ADAM32: variants seen among roughly 807,000 people sequenced by gnomAD.
ADAM32 encodes the protein ADAM metallopeptidase domain 32, also known as disintegrin and metalloproteinase domain-containing protein 32.
In ADAM32, 89 loss-of-function variants were observed where a neutral mutation model predicts 114.9. That is an observed-to-expected ratio of 0.77 (90% confidence interval 0.65 to 0.92). The LOEUF (loss-of-function observed/expected upper bound fraction) is 0.92, where lower values mean the gene tolerates loss of function less well. ADAM32 is among the 40% of genes least tolerant of loss of function. ADAM32 has a pLI of 0.00. For synonymous variants in ADAM32, 285 were observed against 307.5 expected (o/e 0.93, Z 0.77); for missense variants, 870 against 932.8 (o/e 0.93, Z 0.88).
At chr8:39,107,897 A>G in intron 1 of ADAM32, 64 bp downstream of exon 1, 2 of 1,465,878 alleles carry the variant, frequency 1.4e-6, no homozygotes, top group South Asian at 2.8e-5. Flanking sequence ...GACTCCCTGC[A>G]AAGCCCGGGG....
At chr8:39,227,349 G>A (rs1809449468) in intron 14 of ADAM32, among the ~76,000 whole-genome samples, 1 of 152,176 alleles carries the variant, frequency 6.6e-6, no homozygotes, top group African/African-American at 2.4e-5. Flanking sequence ...GATGAAGCAG[G>A]AGAAAGACCG....
chr8:39,191,167 G>C (rs1337375715), intron 11 of ADAM32, among the ~76,000 whole-genome samples: 1 of 152,150 alleles, frequency 6.6e-6, no homozygotes. Context: ...TGAGCATTTA[G>C]GTTAACTTCA....
At chr8:39,275,804 C>G in intron 21 of ADAM32, 24 bp from the exon 22 acceptor site, 3 of 1,544,728 alleles carry the variant, frequency 1.9e-6, no homozygotes, top group Non-Finnish European at 2.6e-6. Flanking sequence ...AACGTGGAAG[C>G]ATTACTTTTT....
intron 10 of ADAM32, among the ~76,000 whole-genome samples, chr8:39,182,228 A>G (rs1014407927): frequency 1.3e-5 from 2 of 152,276 alleles, no homozygotes; most frequent in East Asian, 1.9e-4. Context: ...GATAAAAGAA[A>G]CTCTACTTTG....
chr8:39,108,989 T>A (rs1164955231), intron 1 of ADAM32, among the ~76,000 whole-genome samples: 3 of 152,160 alleles, frequency 2.0e-5, no homozygotes, highest in African/African-American at 7.2e-5. Flanking sequence ...AAAACCCTGA[T>A]TACCTCCCAA....
chr8:39,114,923 A>G lies in ADAM32; in HGVS notation c.59-3163A>G, dbSNP rs2129444167. Among the ~76,000 whole-genome samples, 4 of 152,254 alleles carry G rather than the reference A, an allele frequency of 2.6e-5. No homozygotes were observed. In the South Asian group the frequency reaches 8.3e-4, roughly 32 times the overall value. ...TTCTATTGTGCCCCTCTTTGCATCC[A>G]TGTGTACTCAATGTTTAGCCTCCGC... On this transcript the variant is annotated intron_variant, in intron 1 of 24. Coordinates refer to ENST00000379907, the MANE Select transcript of ADAM32 (RefSeq NM_145004.7).
At chr8:39,197,564 T>C (rs554244880) in intron 11 of ADAM32, among the ~76,000 whole-genome samples, 1 of 152,322 alleles carries the variant, frequency 6.6e-6, no homozygotes, top group South Asian at 2.1e-4. Context: ...TCTTAATTTA[T>C]TCATTGACCC....
intron 2 of ADAM32, among the ~76,000 whole-genome samples, chr8:39,124,704 C>T (rs1009107160): frequency 2.3e-4 from 35 of 152,238 alleles, no homozygotes; most frequent in Non-Finnish European, 1.8e-4. Flanking sequence ...CATAAGCCAC[C>T]GCGCCCAGCC....
intron 23 of ADAM32, among the ~76,000 whole-genome samples, chr8:39,282,951 C>T (rs181842325): frequency 5.9e-5 from 9 of 152,052 alleles, no homozygotes; most frequent in East Asian, 5.8e-4. Flanking sequence ...AGGGAAAGGA[C>T]GAAAGAAGTA....
intron 7 of ADAM32, among the ~76,000 whole-genome samples, chr8:39,162,412 G>A (rs1459942148): frequency 2.6e-5 from 4 of 152,004 alleles, no homozygotes; most frequent in African/African-American, 9.7e-5. Context: ...GACTATCATT[G>A]TTGGACATTT....
At chr8:39,144,044 T>TCTC (rs1273486389) in intron 3 of ADAM32, among the ~76,000 whole-genome samples, 1 of 152,198 alleles carries the variant, frequency 6.6e-6, no homozygotes, top group Non-Finnish European at 1.5e-5. Flanking sequence ...CAGGAGGGTA[T>TCTC]CTCCTGGTCT....
intron 19 of ADAM32, among the ~76,000 whole-genome samples, chr8:39,262,828 C>G (rs1812124656): frequency 6.6e-6 from 1 of 152,090 alleles, no homozygotes; most frequent in Non-Finnish European, 1.5e-5. Context: ...GCCTCAGCCT[C>G]CAGAGTAGCT....
At chr8:39,136,766 C>T (rs778445440) in intron 3 of ADAM32, 48 bp downstream of exon 3, 2 of 1,247,580 alleles carry the variant, frequency 1.6e-6, no homozygotes, top group East Asian at 2.8e-5. Flanking sequence ...TTCTATGAAG[C>T]TGTTTACTTG....
Position 39,284,767 on chromosome 8 carries a change from A to T in ADAM32, c.2358-26A>T, listed in dbSNP as rs555510312. 3 of 1,613,572 alleles carry T rather than the reference A, an allele frequency of 1.9e-6. No homozygotes were observed. In the African/African-American group the frequency reaches 4.0e-5, roughly 22 times the overall value. ...GGAATTTGCTGTCAGTACTTTGAGC[A>T]CGTGTTTTTTTGTTCTCTTCCACAG... On this transcript the variant is annotated intron_variant, in intron 24 of 24. Coordinates refer to ENST00000379907, the MANE Select transcript of ADAM32 (RefSeq NM_145004.7).
At chr8:39,151,688 T>TTC in intron 6 of ADAM32, 140 bp downstream of exon 6, 24 of 685,814 alleles carry the variant, frequency 3.5e-5, no homozygotes, top group Admixed American at 7.9e-5. Context: ...TTTTTTTTTT[T>TTC]TTTCTCACTC....
chr8:39,108,386 G>T (rs1197966350), intron 1 of ADAM32, among the ~76,000 whole-genome samples: 1 of 152,184 alleles, frequency 6.6e-6, no homozygotes, highest in Non-Finnish European at 1.5e-5. Context: ...ACTCCAGATC[G>T]TAGTTCTCCA....
At chr8:39,114,079 A>C (rs77522668) in intron 1 of ADAM32, among the ~76,000 whole-genome samples, 6,250 of 152,256 alleles carry the variant, frequency 0.041, 449 homozygotes, top group African/African-American at 0.14. Context: ...ATTTCACAAA[A>C]TCTATAACTT....
At chr8:39,228,748 A>G (rs1180669702) in intron 14 of ADAM32, among the ~76,000 whole-genome samples, 1 of 152,248 alleles carries the variant, frequency 6.6e-6, no homozygotes, top group Admixed American at 6.5e-5. Flanking sequence ...AAAAGCTTGG[A>G]AAACATATTT....
At chr8:39,169,524 G>A (rs1805061580) in intron 9 of ADAM32, 1 of 156,406 alleles carries the variant, frequency 6.4e-6, no homozygotes, top group African/African-American at 2.4e-5. Flanking sequence ...CACTCCTATT[G>A]GAAACTGTTG....
Sources: gnomAD v4.1 joint callset for allele counts (sites outside exome capture counted in the v4.1 genomes callset) on GRCh38, gnomAD v4.1.1 for gene constraint, MANE v1.5 for transcripts, NCBI Gene and HGNC (gene_info 2026-07-23, HGNC 2026-07-21) for gene names.